Variants in TFDP1 observed in about 807,000 individuals in gnomAD.
The protein encoded by TFDP1 is transcription factor Dp-1.
TFDP1 carries 6 observed loss-of-function variants against 48.0 expected under a neutral mutation model. That is an observed-to-expected ratio of 0.13 (90% confidence interval 0.07 to 0.25). The LOEUF is 0.25. TFDP1 is among the 10% of genes least tolerant of loss of function. The probability of loss-of-function intolerance (pLI) is 1.00; values close to 1 mark genes in which losing one functional copy is unlikely to be tolerated. For synonymous variants in TFDP1, 201 were observed against 211.6 expected (o/e 0.95, Z 0.44); for missense variants, 335 against 543.0 (o/e 0.62, Z 3.81).
chr13:113,603,375 A>G (rs2048488319), intron 2 of TFDP1, among the ~76,000 whole-genome samples: 1 of 152,228 alleles, frequency 6.6e-6, no homozygotes, highest in Non-Finnish European at 1.5e-5. Flanking sequence ...GGGCCCGGGC[A>G]GCGCCTCCAT....
intron 3 of TFDP1, among the ~76,000 whole-genome samples, chr13:113,617,608 C>T (rs1363635648): frequency 6.7e-6 from 1 of 150,044 alleles, no homozygotes; most frequent in African/African-American, 2.5e-5. Context: ...ACCTGCAGAA[C>T]CCTTCACCTG....
rs1357182751 is a variant in TFDP1 at position 113,627,318 on chromosome 13, C to T, written c.186+4032C>T. Among the ~76,000 whole-genome samples the T allele has an allele frequency of 1.3e-5, 2 of 152,242 alleles. No homozygotes were observed. The highest frequency in any genetic ancestry group is 6.5e-5 in the Admixed American group (1 of 15,288). On this transcript the variant is annotated intron_variant, in intron 4 of 11. Transcript: ENST00000375370. This position sits in a 1 kb window ranked among gnomAD's most constrained non-coding sequence, Gnocchi z 4.1. ...GCAGAGCTCAGCACGCGCACAGGAACGTGTGCGGGACAGAGGACATATGTG... is the reference window on the plus strand; with the variant it reads ...GCAGAGCTCAGCACGCGCACAGGAATGTGTGCGGGACAGAGGACATATGTG...
chr13:113,596,100 T>C (rs1245258964), intron 2 of TFDP1, among the ~76,000 whole-genome samples: 1 of 152,178 alleles, frequency 6.6e-6, no homozygotes, highest in Non-Finnish European at 1.5e-5. Context: ...AAAGTATTAA[T>C]GGCTCGGAGT....
At chr13:113,585,384 C>G (rs1003119679) in intron 1 of TFDP1, 3 of 152,750 alleles carry the variant, frequency 2.0e-5, no homozygotes, top group African/African-American at 7.2e-5. Context: ...GGGGTGGACG[C>G]CGCGAGCCTG....
chr13:113,589,518 G>A (rs1273592442), intron 2 of TFDP1, among the ~76,000 whole-genome samples: 1 of 152,196 alleles, frequency 6.6e-6, no homozygotes. Context: ...ACCCTGGGAG[G>A]TCCGTACAGA....
At chr13:113,621,402 G>T (rs2048992050) in intron 3 of TFDP1, among the ~76,000 whole-genome samples, 1 of 152,236 alleles carries the variant, frequency 6.6e-6, no homozygotes, top group South Asian at 2.1e-4. Context: ...CGAGGCAAGA[G>T]ACCGAGGACA....
intron 2 of TFDP1, among the ~76,000 whole-genome samples, chr13:113,602,410 G>C (rs1450384816): frequency 6.6e-6 from 1 of 152,162 alleles, no homozygotes; most frequent in African/African-American, 2.4e-5. Flanking sequence ...TTCTGTGCAG[G>C]AGTCCCGTGC....
chr13:113,625,034 T>C (rs2049100430), intron 4 of TFDP1, among the ~76,000 whole-genome samples: 1 of 127,014 alleles, frequency 7.9e-6, no homozygotes, highest in African/African-American at 3.1e-5. Context: ...CTCAGGTGTT[T>C]CTCAGGTGTC....
chr13:113,619,804 G>C (rs566238644), intron 3 of TFDP1, among the ~76,000 whole-genome samples: 1 of 152,318 alleles, frequency 6.6e-6, no homozygotes, highest in South Asian at 2.1e-4. Flanking sequence ...GGTTGGTGTG[G>C]TGTGCCACTC....
At chr13:113,622,476 C>T (rs2049019195) in intron 3 of TFDP1, among the ~76,000 whole-genome samples, 1 of 152,212 alleles carries the variant, frequency 6.6e-6, no homozygotes, top group South Asian at 2.1e-4. Context: ...TGCTCGCTAC[C>T]ACCTGGTTTA....
intron 2 of TFDP1, among the ~76,000 whole-genome samples, chr13:113,588,999 A>C (rs888102102): frequency 2.8e-5 from 4 of 141,366 alleles, no homozygotes; most frequent in African/African-American, 1.1e-4. Context: ...ATGGTGGTAG[A>C]CTGGAGGAGA....
rs769126675 is a variant in TFDP1, at chr13:113,631,587, G to T, written c.187-36G>T. On this transcript the variant is annotated intron_variant, in intron 4 of 11. Transcript: ENST00000375370. ...GCATGGCACCCTCGCCGTGTGGGAG[G>T]GGACTGACTGTCTGAATTGTCTTTT... is the stretch of plus-strand genomic sequence containing the variant. The T allele has an allele frequency of 3.1e-6, 5 of 1,601,366 alleles. 1 individual carries two copies. In the South Asian group the frequency reaches 4.5e-5, roughly 14 times the overall value.
Position 113,585,823 on chromosome 13 carries a change from C to T in TFDP1, c.-15C>T. On this transcript the variant is annotated 5_prime_UTR_variant, in exon 2 of 12. Coordinates refer to ENST00000375370, the MANE Select transcript of TFDP1 (RefSeq NM_007111.5). Reference sequence around the variant, plus strand: ...AGGTGAACATTTGTAGCATTGATTTCCCGGATCTGGTAACATGGCAAAAGA... The same window carrying T: ...AGGTGAACATTTGTAGCATTGATTTTCCGGATCTGGTAACATGGCAAAAGA... The T allele has an allele frequency of 1.3e-6, 2 of 1,594,446 alleles. No homozygotes were observed. Among genetic ancestry groups the T allele is most frequent in the Non-Finnish European group, 8.6e-7 (1 of 1,165,202 alleles).
At chr13:113,597,295 A>G (rs553602082) in intron 2 of TFDP1, among the ~76,000 whole-genome samples, 1 of 152,344 alleles carries the variant, frequency 6.6e-6, no homozygotes, top group South Asian at 2.1e-4. Context: ...AAATAAATAG[A>G]TGAATGGAGA....
intron 2 of TFDP1, among the ~76,000 whole-genome samples, chr13:113,591,341 CAAAA>C (rs745915921): frequency 1.5e-5 from 1 of 66,086 alleles, no homozygotes. Context: ...GACTTCATCT[CAAAA>C]AAAAAAAAAA....
intron 3 of TFDP1, among the ~76,000 whole-genome samples, chr13:113,616,203 CAAA>C (rs759656354): frequency 1.5e-4 from 11 of 75,078 alleles, no homozygotes; most frequent in Non-Finnish European, 1.8e-4. Flanking sequence ...ACTCTGTCTC[CAAA>C]AAAAAAAAAA....
rs1389671825 is a variant in TFDP1 at position 113,640,256 on chromosome 13, G to A, written c.1222G>A (p.Glu408Lys). 4.3e-6 allele frequency: 7 copies of A among 1,612,022 alleles called. No individual in the cohort carries two copies. Among genetic ancestry groups the A allele is most frequent in the Non-Finnish European group, 5.9e-6 (7 of 1,179,378 alleles). ...EEDDDFNEND[E>K]DD Reference sequence around the variant, plus strand: ...GGACGATGACTTCAACGAGAATGACGAGGACGACTGACGTCCTCCCCACTT... The same window carrying A: ...GGACGATGACTTCAACGAGAATGACAAGGACGACTGACGTCCTCCCCACTT... Residue 408 changes from glutamate to lysine, a missense_variant, in exon 12 of 12, where the codon GAG becomes AAG. Glu to Lys is a moderately conservative substitution (Grantham distance 56, BLOSUM62 1). Around this residue, in one of 3 missense-constraint regions of TFDP1, gnomAD observed 204 missense variants for 287.1 expected, o/e 0.71. Transcript: ENST00000375370.
chr13:113,628,052 A>G lies in TFDP1; in HGVS notation c.187-3571A>G, dbSNP rs112996979. 8.4e-3 allele frequency among the ~76,000 whole-genome samples: 1,284 copies of G among 152,340 alleles called. 17 individuals are homozygous for G. Among genetic ancestry groups the G allele is most frequent in the African/African-American group, 0.03 (1,239 of 41,582 alleles). On this transcript the variant is annotated intron_variant, in intron 4 of 11. Transcript: ENST00000375370. ...TAACGACTGCTGGCGTGGAAGCTGCAAAAGCTTTAGAGTCGAAAGACTGTG... is the reference window on the plus strand; with the variant it reads ...TAACGACTGCTGGCGTGGAAGCTGCGAAAGCTTTAGAGTCGAAAGACTGTG...
At chr13:113,614,112 G>T (rs1566656374) in intron 3 of TFDP1, among the ~76,000 whole-genome samples, 2 of 150,352 alleles carry the variant, frequency 1.3e-5, no homozygotes, top group African/African-American at 5.0e-5. Context: ...ATATGCACGT[G>T]TGAGTTGAGT....
Sources: allele counts gnomAD v4.1 joint callset (sites outside exome capture counted in the v4.1 genomes callset), GRCh38; gene constraint gnomAD v4.1.1; regional missense constraint gnomAD v4.1.1; non-coding constraint Gnocchi (gnomAD v3.1); transcripts MANE v1.5; gene names NCBI Gene and HGNC (gene_info 2026-07-23, HGNC 2026-07-21).